Variants in SLC2A2 observed in about 807,000 individuals in gnomAD.
The protein encoded by SLC2A2 is solute carrier family 2 member 2, also known as solute carrier family 2, facilitated glucose transporter member 2.
SLC2A2 carries 36 observed loss-of-function variants against 54.5 expected under a neutral mutation model. The ratio of observed to expected loss-of-function variants is 0.66; its 90% confidence interval spans 0.51 to 0.87. The LOEUF (loss-of-function observed/expected upper bound fraction) is 0.87, where lower values mean the gene tolerates loss of function less well. SLC2A2 is among the 40% of genes least tolerant of loss of function. The pLI, the probability that SLC2A2 is intolerant of heterozygous loss-of-function variation, is 0.00. For synonymous variants in SLC2A2, 223 were observed against 219.1 expected (o/e 1.02, Z -0.16); for missense variants, 543 against 624.3 (o/e 0.87, Z 1.39).
At chr3:171,007,116 TG>T in intron 5 of SLC2A2, 31 bp downstream of exon 5, 1 of 1,191,092 alleles carries the variant, frequency 8.4e-7, no homozygotes, top group Middle Eastern at 1.9e-4. Flanking sequence ...AGTAGATGGG[TG>T]CAGTAGGGGA....
chr3:171,012,714 T>C (rs559234445), intron 3 of SLC2A2, among the ~76,000 whole-genome samples: 18 of 152,288 alleles, frequency 1.2e-4, no homozygotes, highest in Admixed American at 7.9e-4. Flanking sequence ...TCAATGAATC[T>C]CTCTAGAAAG....
At chr3:171,000,342 C>T (rs12487486) in intron 8 of SLC2A2, among the ~76,000 whole-genome samples, 30,138 of 152,050 alleles carry the variant, frequency 0.2, 3,922 homozygotes, top group African/African-American at 0.37. Context: ...GGTGCCACCA[C>T]GTCAAGCTAC....
intron 1 of SLC2A2, among the ~76,000 whole-genome samples, chr3:171,019,303 T>C (rs1267933358): frequency 6.6e-6 from 1 of 151,842 alleles, no homozygotes; most frequent in African/African-American, 2.4e-5. Context: ...GATGTTGCCA[T>C]GGTGACAAAA....
At chr3:170,998,482 G>A (rs754435828) in intron 9 of SLC2A2, 86 bp from the exon 10 acceptor site, 30 of 989,930 alleles carry the variant, frequency 3.0e-5, no homozygotes, top group South Asian at 2.3e-4. Context: ...GTTCACAGGC[G>A]GCATACAACT....
chr3:171,021,767 G>T (rs1349565476), intron 1 of SLC2A2, among the ~76,000 whole-genome samples: 1 of 152,198 alleles, frequency 6.6e-6, no homozygotes, highest in Admixed American at 6.5e-5. Context: ...TAGGTCTAAA[G>T]TCTGTCGTTT....
chr3:171,014,734 A>G lies in SLC2A2; in HGVS notation c.109-3T>C. ...TGTCTATAGTGAGATATTATTACCT[A>G]GGAGATAAAGAAAAATAGCTTTACT... is the stretch of plus-strand genomic sequence containing the variant. On this transcript the variant is annotated splice_region_variant and splice_polypyrimidine_tract_variant and intron_variant, in intron 2 of 10. Coordinates refer to ENST00000314251, the MANE Select transcript of SLC2A2 (RefSeq NM_000340.2). 1 of 1,611,146 alleles carries G rather than the reference A, an allele frequency of 6.2e-7. No homozygotes were observed. The highest frequency in any genetic ancestry group is 8.5e-7 in the Non-Finnish European group (1 of 1,177,314).
Position 171,005,312 on chromosome 3 carries a change from C to G in SLC2A2, c.936G>C (p.Val312=). 4.3e-6 allele frequency: 7 copies of G among 1,612,912 alleles called. No individual in the cohort carries two copies. The highest frequency in any genetic ancestry group is 5.1e-6 in the Non-Finnish European group (6 of 1,179,248). The change falls in exon 7 of 11, where the codon GTG becomes GTC. Residue 312 remains valine (V), a synonymous_variant. Transcript: ENST00000314251. The part of the protein sequence containing the change: ...QPILVALMLH[V]AQQFSGINGI... ...CATTGATTCCGGAAAATTGCTGAGC[C>G]ACATGCAGCATCAGTGCCACTAGAA...
chr3:171,013,950 C>G (rs1716007750), intron 3 of SLC2A2, among the ~76,000 whole-genome samples: 1 of 128,790 alleles, frequency 7.8e-6, no homozygotes, highest in African/African-American at 3.4e-5. Flanking sequence ...TTTGAGATAG[C>G]AAGCAGTACC....
intron 4 of SLC2A2, among the ~76,000 whole-genome samples, chr3:171,008,316 C>A (rs114250814): frequency 0.011 from 1,699 of 152,100 alleles, 29 homozygotes; most frequent in African/African-American, 0.03. Context: ...TTACAGGTGA[C>A]TTTTAATGTG....
In SLC2A2 at chr3:170,998,316, C is replaced by T. The variant is rs371657103; in HGVS notation, c.1251G>A (p.Pro417=). 132 of 1,613,610 alleles carry T rather than the reference C, an allele frequency of 8.2e-5. No homozygotes were observed. Among genetic ancestry groups the T allele is most frequent in the Non-Finnish European group, 1.0e-4 (121 of 1,179,772 alleles). The change falls in exon 10 of 11, where the codon CCG becomes CCA. Residue 417 remains proline (P), a synonymous_variant. Coordinates refer to ENST00000314251, the MANE Select transcript of SLC2A2 (RefSeq NM_000340.2). ...ACTCAGCCACCATGAACCAGGGGAT[C>T]GGGCCTGGCCCAATTTCAAAGAAGC... ...FVSFFEIGPG[P]IPWFMVAEFF... is the part of the protein sequence containing the mutation.
At chr3:171,015,412 C>G (rs1257154290) in intron 2 of SLC2A2, among the ~76,000 whole-genome samples, 1 of 152,222 alleles carries the variant, frequency 6.6e-6, no homozygotes, top group South Asian at 2.1e-4. Context: ...GTTGAGGCTG[C>G]AGTGAGTCAA....
intron 2 of SLC2A2, among the ~76,000 whole-genome samples, chr3:171,016,165 G>T (rs1024363573): frequency 6.6e-6 from 1 of 152,176 alleles, no homozygotes; most frequent in African/African-American, 2.4e-5. Flanking sequence ...ACTGGGTGCC[G>T]TAGCTCATGC....
At chr3:171,009,257 G>A (rs1560036923) in intron 4 of SLC2A2, among the ~76,000 whole-genome samples, 1 of 152,184 alleles carries the variant, frequency 6.6e-6, no homozygotes, top group Non-Finnish European at 1.5e-5. Flanking sequence ...AAGAACTAGC[G>A]ATTCCCACTA....
Position 171,007,620 on chromosome 3 carries a change from G to A in SLC2A2, c.497-357C>T, listed in dbSNP as rs1332340991. ...TGTTTTAATAATATTCTTAATTAGGGCTCATGGGATTAAAGGAAATCAGAA... is the reference window on the plus strand; with the variant it reads ...TGTTTTAATAATATTCTTAATTAGGACTCATGGGATTAAAGGAAATCAGAA... On this transcript the variant is annotated intron_variant, in intron 4 of 10. Transcript: ENST00000314251. The A allele has an allele frequency of 1.2e-5, 4 of 320,754 alleles. No homozygotes were observed. The Admixed American group carries it at 1.8e-4, about 14-fold the overall frequency. The allele number at this position is 320,754 out of a possible 1,614,324, so 19.9% of individuals were successfully genotyped here. A position where few individuals can be genotyped will look rare whatever the true frequency, so the allele number is the denominator to read the frequency against.
rs573575421 is a variant in SLC2A2, at chr3:170,997,894, GT to G, written c.*8del. ...GTTTCTGTTCATGTCAAAAAGCAGGGTTTTTTTTTTACACAGTCTCTGTAGC... is the reference window on the plus strand; with the variant it reads ...GTTTCTGTTCATGTCAAAAAGCAGGGTTTTTTTTTACACAGTCTCTGTAGC... On this transcript the variant is annotated 3_prime_UTR_variant, in exon 11 of 11. Coordinates refer to ENST00000314251, the MANE Select transcript of SLC2A2 (RefSeq NM_000340.2). The G allele has an allele frequency of 4.7e-4, 664 of 1,425,214 alleles. No individual in the cohort carries two copies. Among genetic ancestry groups the G allele is most frequent in the South Asian group, 1.1e-3 (84 of 79,554 alleles). 88.3% of individuals were successfully genotyped at this position (1,425,214 alleles called of 1,614,324 possible).
At chr3:171,011,051 G>T (rs545508119) in intron 3 of SLC2A2, among the ~76,000 whole-genome samples, 2 of 152,154 alleles carry the variant, frequency 1.3e-5, no homozygotes, top group East Asian at 3.9e-4. Context: ...ACTTTGATAG[G>T]TGGGCCTTTT....
At chr3:171,007,517 T>A (rs1206208634) in intron 4 of SLC2A2, 2 of 464,422 alleles carry the variant, frequency 4.3e-6, no homozygotes, top group African/African-American at 2.0e-5. Flanking sequence ...TTACATCATC[T>A]TATTTAATTA....
At chr3:171,003,698 T>C (rs1715450357) in intron 7 of SLC2A2, among the ~76,000 whole-genome samples, 1 of 152,002 alleles carries the variant, frequency 6.6e-6, no homozygotes, top group Non-Finnish European at 1.5e-5. Context: ...TGAATAGTAA[T>C]AATGAATAGT....
intron 1 of SLC2A2, among the ~76,000 whole-genome samples, chr3:171,019,097 GTA>G (rs775019312): frequency 0.1 from 2,062 of 19,922 alleles, 16 homozygotes; most frequent in Middle Eastern, 0.16. Context: ...GTGTGTGTGT[GTA>G]TATATATATA....
Sources: gnomAD v4.1 joint callset for allele counts (sites outside exome capture counted in the v4.1 genomes callset) on GRCh38, gnomAD v4.1.1 for gene constraint, MANE v1.5 for transcripts, NCBI Gene and HGNC (gene_info 2026-07-23, HGNC 2026-07-21) for gene names.